The following NKAIN2 variants were observed in gnomAD, a reference collection of about 807,000 sequenced individuals.
NKAIN2 encodes sodium/potassium transporting ATPase interacting 2, also known as sodium/potassium-transporting ATPase subunit beta-1-interacting protein 2.
A neutral mutation model predicts 32.6 loss-of-function variants in NKAIN2; 14 were observed. The observed-to-expected ratio is 0.43, with a 90% confidence interval of 0.28 to 0.67. The LOEUF is 0.67. Among genes scored for constraint, NKAIN2 ranks in the 30% least tolerant of loss-of-function variants. The pLI is 0.17. For missense variants in NKAIN2, 198 were observed against 258.3 expected (o/e 0.77, Z 1.60); for synonymous variants, 80 against 87.2 (o/e 0.92, Z 0.46).
intron 1 of NKAIN2, among the ~76,000 whole-genome samples, chr6:123,911,032 A>T: frequency 6.6e-6 from 1 of 152,116 alleles, no homozygotes; most frequent in East Asian, 1.9e-4. Context: ...TAATATTTAT[A>T]TTCACCTGAA....
intron 3 of NKAIN2, among the ~76,000 whole-genome samples, chr6:124,648,312 A>G (rs1302226152): frequency 2.0e-5 from 3 of 152,202 alleles, no homozygotes; most frequent in Admixed American, 6.5e-5. Flanking sequence ...ATTTTTCACA[A>G]TTACATTTCA....
chr6:124,070,146 A>G (rs1783377948), intron 1 of NKAIN2, among the ~76,000 whole-genome samples: 1 of 152,122 alleles, frequency 6.6e-6, no homozygotes, highest in Non-Finnish European at 1.5e-5. Flanking sequence ...TATAGCAGTC[A>G]CTGCTATATT....
chr6:124,519,225 AC>A (rs1294672447), intron 3 of NKAIN2, among the ~76,000 whole-genome samples: 2 of 152,176 alleles, frequency 1.3e-5, no homozygotes, highest in Non-Finnish European at 2.9e-5. Context: ...GGGGAACCTG[AC>A]CAAAAAACAG....
At chr6:124,554,477 G>A (rs535006768) in intron 3 of NKAIN2, among the ~76,000 whole-genome samples, 6 of 152,314 alleles carry the variant, frequency 3.9e-5, no homozygotes, top group East Asian at 1.9e-4. Flanking sequence ...GCCTGGCTGC[G>A]TGCAGCAGCA....
intron 3 of NKAIN2, among the ~76,000 whole-genome samples, chr6:124,530,511 C>T (rs987797664): frequency 6.6e-6 from 1 of 152,034 alleles, no homozygotes; most frequent in African/African-American, 2.4e-5. Flanking sequence ...GGAACTCTTA[C>T]TGAAAAAAGT....
intron 3 of NKAIN2, among the ~76,000 whole-genome samples, chr6:124,626,697 C>T (rs977199324): frequency 2.6e-5 from 4 of 152,044 alleles, no homozygotes; most frequent in Non-Finnish European, 4.4e-5. Context: ...TGCTAGATGA[C>T]GTTAGTGTTG....
intron 1 of NKAIN2, among the ~76,000 whole-genome samples, chr6:124,202,142 A>G (rs1172896166): frequency 6.6e-6 from 1 of 151,888 alleles, no homozygotes; most frequent in East Asian, 1.9e-4. Flanking sequence ...CAGGGCCATT[A>G]TTTAAGTTAA....
intron 1 of NKAIN2, among the ~76,000 whole-genome samples, chr6:124,047,801 C>T (rs188950133): frequency 1.3e-5 from 2 of 152,116 alleles, no homozygotes; most frequent in East Asian, 3.9e-4. Context: ...CAATCCATCT[C>T]TTGGCATCCA....
chr6:124,762,217 G>A (rs952434224), intron 4 of NKAIN2, among the ~76,000 whole-genome samples: 2 of 152,266 alleles, frequency 1.3e-5, no homozygotes, highest in Non-Finnish European at 2.9e-5. Context: ...GTGGCTTGCA[G>A]GTGGCCACCT....
chr6:124,156,949 A>C (rs1409498744), intron 1 of NKAIN2, among the ~76,000 whole-genome samples: 1 of 151,740 alleles, frequency 6.6e-6, no homozygotes, highest in African/African-American at 2.4e-5. Flanking sequence ...CTAAAAATAC[A>C]AAAATTAACG....
intron 1 of NKAIN2, among the ~76,000 whole-genome samples, chr6:123,843,297 T>C (rs1774952964): frequency 1.3e-5 from 2 of 152,106 alleles, no homozygotes; most frequent in Admixed American, 1.3e-4. Context: ...TATTGAGCAA[T>C]GGCAGTGACT....
intron 3 of NKAIN2, among the ~76,000 whole-genome samples, chr6:124,570,695 G>A (rs1199893967): frequency 6.6e-6 from 1 of 152,242 alleles, no homozygotes; most frequent in African/African-American, 2.4e-5. Flanking sequence ...TGCTGCAGGG[G>A]CAGGGCCCTC....
At chr6:123,835,394 G>A (rs981795453) in intron 1 of NKAIN2, among the ~76,000 whole-genome samples, 2 of 152,154 alleles carry the variant, frequency 1.3e-5, no homozygotes, top group Non-Finnish European at 2.9e-5. Flanking sequence ...TTAAAAAATA[G>A]GAAAAGAGAT....
intron 3 of NKAIN2, among the ~76,000 whole-genome samples, chr6:124,468,289 G>A (rs959294533): frequency 3.9e-5 from 6 of 152,228 alleles, no homozygotes; most frequent in South Asian, 4.1e-4. Flanking sequence ...GCCCAGGTCC[G>A]TTAAAATGTC....
In NKAIN2 at chr6:124,424,602, T is replaced by G. The variant is rs13217317; in HGVS notation, c.273+69255T>G. On this transcript the variant is annotated intron_variant, in intron 3 of 6. Transcript: ENST00000368417. ...ATGACTGGACCCCTAGTAACCATCA[T>G]TCTACTCTCTGCTTCTATTCATTAT... Among the ~76,000 whole-genome samples, 50 of 152,310 alleles carry G rather than the reference T, an allele frequency of 3.3e-4. 1 individual carries two copies. Among genetic ancestry groups the G allele is most frequent in the Middle Eastern group, 3.4e-3 (1 of 294 alleles).
At chr6:124,808,015 C>A (rs1025898967) in intron 5 of NKAIN2, among the ~76,000 whole-genome samples, 19 of 149,582 alleles carry the variant, frequency 1.3e-4, no homozygotes, top group Non-Finnish European at 2.4e-4. Flanking sequence ...CAAAAAGAGT[C>A]CAGGACCAGA....
chr6:124,207,555 C>A (rs185509147), intron 1 of NKAIN2, among the ~76,000 whole-genome samples: 29 of 150,994 alleles, frequency 1.9e-4, no homozygotes, highest in Admixed American at 4.0e-4. Flanking sequence ...AATTGCACTT[C>A]CTGGGCAGGT....
chr6:124,806,503 A>G (rs1320480768), intron 5 of NKAIN2, among the ~76,000 whole-genome samples: 1 of 152,180 alleles, frequency 6.6e-6, no homozygotes, highest in African/African-American at 2.4e-5. Flanking sequence ...AAACATGGAA[A>G]GGCACAACCG....
At chr6:124,388,587 A>G (rs1030537477) in intron 3 of NKAIN2, among the ~76,000 whole-genome samples, 1 of 152,072 alleles carries the variant, frequency 6.6e-6, no homozygotes, top group African/African-American at 2.4e-5. Context: ...TTTTATAAAT[A>G]CAATCAATTT....
Sources: allele counts gnomAD v4.1 joint callset (sites outside exome capture counted in the v4.1 genomes callset), GRCh38; gene constraint gnomAD v4.1.1; transcripts MANE v1.5; gene names NCBI Gene and HGNC (gene_info 2026-07-23, HGNC 2026-07-21).